Variants in LINS1 observed in about 807,000 individuals in gnomAD.
LINS1 encodes the protein protein Lines homolog 1.
LINS1 carries 27 observed loss-of-function variants against 41.6 expected under a neutral mutation model. The ratio of observed to expected loss-of-function variants is 0.65; its 90% CI spans 0.48 to 0.89. LINS1 has a LOEUF of 0.89. Among genes scored for constraint, LINS1 ranks in the 40% least tolerant of loss-of-function variants. The probability of loss-of-function intolerance (pLI) is 0.00; values close to 1 mark genes in which losing one functional copy is unlikely to be tolerated. For synonymous variants in LINS1, 336 were observed against 312.9 expected (o/e 1.07, Z -0.78); for missense variants, 955 against 884.1 (o/e 1.08, Z -1.02).
chr15:100,570,979 A>G (rs939998854), intron 6 of LINS1, among the ~76,000 whole-genome samples: 4 of 152,198 alleles, frequency 2.6e-5, no homozygotes, highest in Non-Finnish European at 4.4e-5. Flanking sequence ...AGGAGTAAGG[A>G]GCTAACTTTG....
chr15:100,572,508 G>T (rs1247450061), intron 5 of LINS1: 4 of 1,036,044 alleles, frequency 3.9e-6, no homozygotes, highest in Non-Finnish European at 4.7e-6. Context: ...AAGCATAGAA[G>T]TACTACTATT....
In LINS1 at chr15:100,580,571, AG is replaced by A. The variant is rs1567088822; in HGVS notation, c.271del (p.Leu91PhefsTer3). ...CATCACTTTGATCACTGTTAACTGA[AG>A]GAGCATTACTTCTCTGGAACCGCTC... ...QMSGSREVML[L>X]QLTVIKVMTT... On this transcript the variant is annotated frameshift_variant, in exon 2 of 7. Transcript: ENST00000314742. LOFTEE classifies it high-confidence loss of function. 1 of 1,614,064 alleles carries A rather than the reference AG, an allele frequency of 6.2e-7. No homozygotes were observed. Among genetic ancestry groups the A allele is most frequent in the Non-Finnish European group, 8.5e-7 (1 of 1,179,970 alleles).
intron 4 of LINS1, 33 bp downstream of exon 4, chr15:100,574,954 T>A: frequency 6.2e-7 from 1 of 1,605,718 alleles, no homozygotes; most frequent in Non-Finnish European, 8.5e-7. Context: ...AGGAGCAAGA[T>A]GATGATTGTT....
In LINS1 at chr15:100,568,510, G is replaced by T. The variant is rs1361440213; in HGVS notation, c.*728C>A. 1.3e-5 allele frequency: 2 copies of T among 152,366 alleles called. No individual in the cohort carries two copies. The highest frequency in any genetic ancestry group is 3.9e-4 in the East Asian group (2 of 5,192). The allele number at this position is 152,366 out of a possible 1,614,324, so 9.4% of individuals were successfully genotyped here. On this transcript the variant is annotated 3_prime_UTR_variant, in exon 7 of 7. Coordinates refer to ENST00000314742, the MANE Select transcript of LINS1 (RefSeq NM_001040616.3). ...CCACTACAAGACAAGGGACACCATGGCTGGCTGGCTGCCACCAGAAGCCAG... is the reference window on the plus strand; with the variant it reads ...CCACTACAAGACAAGGGACACCATGTCTGGCTGGCTGCCACCAGAAGCCAG...
At position 100,571,977 on chromosome 15, in the gene LINS1, C is replaced by A; in HGVS notation, c.1311G>T (p.Trp437Cys). Residue 437 changes from tryptophan (W) to cysteine (C), a missense_variant, in exon 6 of 7, where the codon TGG becomes TGT. Coordinates refer to ENST00000314742, the MANE Select transcript of LINS1 (RefSeq NM_001040616.3). Reference sequence around the variant, plus strand: ...CTTGTTCTATGAAAACCCGAGACAGCCATTTGCACGGATTGTGTAATTGCA... The same window carrying A: ...CTTGTTCTATGAAAACCCGAGACAGACATTTGCACGGATTGTGTAATTGCA... ...PSLQLHNPCK[W>C]LSRVFIEQDD... is the part of the protein sequence containing the mutation. 6.2e-7 allele frequency: 1 copy of A among 1,614,184 alleles called. No individual in the cohort carries two copies. The highest frequency in any genetic ancestry group is 8.5e-7 in the Non-Finnish European group (1 of 1,180,046).
intron 4 of LINS1, among the ~76,000 whole-genome samples, chr15:100,574,478 C>A (rs182439196): frequency 6.6e-6 from 1 of 152,150 alleles, no homozygotes; most frequent in Non-Finnish European, 1.5e-5. Context: ...GAGGCCGATG[C>A]GGGTGGATCA....
rs1405675989 is a variant in LINS1, at chr15:100,573,715, G to A, written c.1158C>T (p.Ser386=). ...SPDHVILRAA[S]LVIMKSLEIK... The stretch of plus-strand genomic sequence containing the variant: ...TTTCTAAGGATTTCATTATAACTAA[G>A]CTTGCTGCTCTAAGGATCACATGAT... Residue 386 remains serine (S), a synonymous_variant, in exon 5 of 7, where the codon AGC becomes AGT. Transcript: ENST00000314742. The A allele has an allele frequency of 6.2e-7, 1 of 1,612,884 alleles. No individual in the cohort carries two copies. The highest frequency in any genetic ancestry group is 1.7e-5 in the Admixed American group (1 of 59,902).
chr15:100,590,132 C>A (rs2141343444), intron 1 of LINS1, among the ~76,000 whole-genome samples: 1 of 152,302 alleles, frequency 6.6e-6, no homozygotes, highest in South Asian at 2.1e-4. Flanking sequence ...AAGAACATGG[C>A]ATCCTTGATG....
At position 100,571,917 on chromosome 15, in the gene LINS1, C is replaced by G; in HGVS notation, c.1371G>C (p.Leu457=). The G allele has an allele frequency of 6.2e-7, 1 of 1,614,144 alleles. No individual in the cohort carries two copies. The highest frequency in any genetic ancestry group is 8.5e-7 in the Non-Finnish European group (1 of 1,180,034). ...ACCTGGTCAGTGTTAAGTAGATGCC[C>G]AGTGATGCCTTGGCAGCCTCCAGCA... ...DDMLEAAKAS[L]GIYLTLTRGC... is the part of the protein sequence containing the mutation. The change falls in exon 6 of 7, where the codon CTG becomes CTC. Residue 457 remains leucine, a synonymous_variant. Transcript: ENST00000314742.
At chr15:100,599,846 A>C (rs909169847) in intron 1 of LINS1, among the ~76,000 whole-genome samples, 3 of 152,156 alleles carry the variant, frequency 2.0e-5, no homozygotes, top group Non-Finnish European at 4.4e-5. Context: ...CGGGTGGATC[A>C]CCTGAGGTCA....
In LINS1 at chr15:100,573,734, A is replaced by C. The variant is rs2037982415; in HGVS notation, c.1139T>G (p.Val380Gly). The C allele has an allele frequency of 6.2e-7, 1 of 1,613,878 alleles. No homozygotes were observed. The change falls in exon 5 of 7, where the codon GTG becomes GGG. Residue 380 changes from valine (V) to glycine (G), a missense_variant. By Grantham distance (109) the Val-to-Gly change is moderately radical. Transcript: ENST00000314742. ...ECELITSPDH[V>G]ILRAASLVIM... ...AACTAAGCTTGCTGCTCTAAGGATC[A>C]CATGATCTGGACTAGTGATAAGTTC...
At chr15:100,586,326 G>A (rs2038800373) in intron 1 of LINS1, 1 of 152,160 alleles carries the variant, frequency 6.6e-6, no homozygotes. Flanking sequence ...TGCCTCCCTT[G>A]TTAAAACTGA....
chr15:100,590,438 T>C (rs2038984133), intron 1 of LINS1, among the ~76,000 whole-genome samples: 1 of 152,098 alleles, frequency 6.6e-6, no homozygotes, highest in Admixed American at 6.5e-5. Flanking sequence ...TCTTAACCCA[T>C]ATCCCAAGTT....
intron 1 of LINS1, among the ~76,000 whole-genome samples, chr15:100,600,073 A>C (rs894650356): frequency 2.6e-5 from 4 of 152,182 alleles, no homozygotes; most frequent in Non-Finnish European, 5.9e-5. Context: ...CTCAAAAACA[A>C]AAACAAACAA....
intron 1 of LINS1, among the ~76,000 whole-genome samples, chr15:100,586,822 G>C (rs7178485): frequency 0.45 from 68,130 of 151,882 alleles, 15,962 homozygotes; most frequent in Non-Finnish European, 0.53. Flanking sequence ...GCTAATTAAT[G>C]TTTTCAGTTA....
chr15:100,573,584 T>G, intron 5 of LINS1, 67 bp downstream of exon 5: 2 of 1,012,700 alleles, frequency 2.0e-6, no homozygotes, highest in South Asian at 1.4e-5. Context: ...TGAGATTTGA[T>G]AATTATGAAT....
chr15:100,575,233 A>C, intron 3 of LINS1, 105 bp from the exon 4 acceptor site: 1 of 965,964 alleles, frequency 1.0e-6, no homozygotes, highest in South Asian at 1.4e-5. Flanking sequence ...AAGTATGATA[A>C]TATGTGGCAC....
chr15:100,585,181 C>T (rs923020350), intron 1 of LINS1, among the ~76,000 whole-genome samples: 1 of 152,230 alleles, frequency 6.6e-6, no homozygotes, highest in South Asian at 2.1e-4. Context: ...CACCTAAGGT[C>T]AGAGACGTCT....
intron 1 of LINS1, among the ~76,000 whole-genome samples, chr15:100,600,572 CAG>C (rs780989602): frequency 8.0e-4 from 43 of 53,768 alleles, no homozygotes; most frequent in Non-Finnish European, 1.5e-3. Context: ...AAAAAAAAAA[CAG>C]GGAGAAATCA....
Sources: allele counts gnomAD v4.1 joint callset (sites outside exome capture counted in the v4.1 genomes callset), GRCh38; gene constraint gnomAD v4.1.1; transcripts MANE v1.5; gene names NCBI Gene and HGNC (gene_info 2026-07-23, HGNC 2026-07-21).